PUS7L: variants seen among roughly 807,000 people sequenced by gnomAD.
The protein encoded by PUS7L is pseudouridine synthase 7 like, also known as pseudouridylate synthase PUS7L.
A neutral mutation model predicts 51.1 loss-of-function variants in PUS7L; 49 were observed. The observed-to-expected ratio is 0.96, with a 90% CI of 0.76 to 1.22. The LOEUF (loss-of-function observed/expected upper bound fraction) is 1.22. Ranked by LOEUF, PUS7L falls within the 50% of genes most tolerant of loss-of-function variation. The pLI, the probability that PUS7L is intolerant of heterozygous loss-of-function variation, is 0.00. For missense variants in PUS7L, 828 were observed against 820.6 expected (o/e 1.01, Z -0.11); for synonymous variants, 277 against 276.2 (o/e 1.00, Z -0.03).
At position 43,728,156 on chromosome 12, in the gene PUS7L, A is replaced by G. The variant is rs1252793407; in HGVS notation, c.*2220T>C. On this transcript the variant is annotated 3_prime_UTR_variant, in exon 9 of 9. Coordinates refer to ENST00000344862, the MANE Select transcript of PUS7L (RefSeq NM_031292.5). ...GACTAGTCATCAGTTGGTCCAAAGC[A>G]TACTATTAATAATAAAAGTCCTTAA... 1 of 152,184 alleles carries G rather than the reference A, an allele frequency of 6.6e-6. No homozygotes were observed. Among genetic ancestry groups the G allele is most frequent in the East Asian group, 1.9e-4 (1 of 5,200 alleles). The allele number at this position is 152,184 out of a possible 1,614,324, so 9.4% of individuals were successfully genotyped here.
chr12:43,748,754 T>C (rs1385147134), intron 2 of PUS7L, 145 bp from the exon 3 acceptor site: 2 of 703,382 alleles, frequency 2.8e-6, no homozygotes, highest in East Asian at 2.8e-5. Context: ...TGATGGAGTG[T>C]CACTCTGTCA....
chr12:43,723,414 T>C lies in PUS7L; in HGVS notation c.*6962A>G, dbSNP rs1455897406. On this transcript the variant is annotated 3_prime_UTR_variant, in exon 9 of 9. Transcript: ENST00000344862. ...TTTTAAGAGGAGATCTCAAGATGCT[T>C]AGAAATGCTAAATAAGTATCATTTA... 2 of 152,090 alleles carry C rather than the reference T, an allele frequency of 1.3e-5. No individual in the cohort carries two copies. The highest frequency in any genetic ancestry group is 1.9e-4 in the East Asian group (1 of 5,194). The allele number at this position is 152,090 out of a possible 1,614,324, so 9.4% of individuals were successfully genotyped here. A position where few individuals can be genotyped will look rare whatever the true frequency, so the allele number is the denominator to read the frequency against.
intron 2 of PUS7L, among the ~76,000 whole-genome samples, chr12:43,751,809 C>T (rs1469532233): frequency 2.6e-5 from 4 of 152,172 alleles, no homozygotes; most frequent in Non-Finnish European, 4.4e-5. Context: ...TTTACAGTCC[C>T]ACCAACAGTG....
chr12:43,730,790 T>C, intron 8 of PUS7L, 88 bp from the exon 9 acceptor site: 1 of 813,418 alleles, frequency 1.2e-6, no homozygotes, highest in Non-Finnish European at 1.9e-6. Flanking sequence ...GACTGCGACC[T>C]GGATTTGTAA....
rs1262090858 is a variant in PUS7L at position 43,729,368 on chromosome 12, CATT to C, written c.*1005_*1007del. 3 of 388,196 alleles carry C rather than the reference CATT, an allele frequency of 7.7e-6. No homozygotes were observed. The highest frequency in any genetic ancestry group is 1.4e-5 in the Non-Finnish European group (3 of 219,466). 24.0% of individuals were successfully genotyped at this position (388,196 alleles called of 1,614,324 possible). ...CTCCATACTGCTTTTTAAATTTCAT[CATT>C]ATATCTTACCAACAATGAAAGAAAT... On this transcript the variant is annotated 3_prime_UTR_variant, in exon 9 of 9. Coordinates refer to ENST00000344862, the MANE Select transcript of PUS7L (RefSeq NM_031292.5).
At chr12:43,738,562 G>T (rs1364768357) in intron 5 of PUS7L, among the ~76,000 whole-genome samples, 171 bp from the exon 6 acceptor site, 7 of 152,094 alleles carry the variant, frequency 4.6e-5, no homozygotes, top group Non-Finnish European at 1.0e-4. Flanking sequence ...GTTAAATGTA[G>T]AAATAAGCCT....
chr12:43,740,282 C>T (rs1475309621), intron 5 of PUS7L, among the ~76,000 whole-genome samples: 3 of 152,172 alleles, frequency 2.0e-5, no homozygotes, highest in Non-Finnish European at 4.4e-5. Context: ...CAATTTCCCA[C>T]TCAATTTTCT....
Position 43,754,589 on chromosome 12 carries a change from A to T in PUS7L, c.657T>A (p.Phe219Leu), listed in dbSNP as rs780243371. The T allele has an allele frequency of 3.5e-5, 57 of 1,610,296 alleles. No homozygotes were observed. In the East Asian group the frequency reaches 3.8e-4, roughly 11 times the overall value. The change falls in exon 2 of 9, where the codon TTT becomes TTA. Residue 219 changes from phenylalanine (F) to leucine (L), a missense_variant. Physicochemically the swap from Phe to Leu is conservative, Grantham distance 22. Coordinates refer to ENST00000344862, the MANE Select transcript of PUS7L (RefSeq NM_031292.5). ...LVSEEEAFDFFKYLDAKKENS... is the reference protein window; with the variant it reads ...LVSEEEAFDFLKYLDAKKENS... Reference sequence around the variant, plus strand: ...TTTCTTTCTTTGCATCCAAATATTTAAAAAAGTCAAATGCTTCCTCTTCAG... The same window carrying T: ...TTTCTTTCTTTGCATCCAAATATTTTAAAAAGTCAAATGCTTCCTCTTCAG...
intron 1 of PUS7L, among the ~76,000 whole-genome samples, chr12:43,756,048 C>T (rs1183875900): frequency 6.6e-6 from 1 of 152,158 alleles, no homozygotes; most frequent in African/African-American, 2.4e-5. Flanking sequence ...CTAGTGAGTT[C>T]TGTGTTTCCC....
chr12:43,738,661 ATT>A (rs535288315), intron 5 of PUS7L, among the ~76,000 whole-genome samples: 1 of 152,104 alleles, frequency 6.6e-6, no homozygotes, highest in Admixed American at 6.5e-5. Context: ...TACTTTTGTC[ATT>A]TTTTTTAAAT....
rs866399673 is a variant in PUS7L, at chr12:43,746,367, T to G, written c.1071-129A>C. On this transcript the variant is annotated intron_variant, in intron 3 of 8. Transcript: ENST00000344862. ...TACTAATACAATTTTTTAAGAATAT[T>G]CTAAAGTTAATGTTATTTCACCAAA... 1.5e-5 allele frequency: 8 copies of G among 516,512 alleles called. No individual in the cohort carries two copies. In the Middle Eastern group the frequency reaches 1.5e-3, roughly 96 times the overall value. The allele number at this position is 516,512 out of a possible 1,614,324, so 32.0% of individuals were successfully genotyped here. A position where few individuals can be genotyped will look rare whatever the true frequency, so the allele number is the denominator to read the frequency against.
intron 5 of PUS7L, chr12:43,740,710 GT>G (rs1937857348): frequency 2.0e-5 from 3 of 152,106 alleles, no homozygotes. Context: ...ACTTATCAGG[GT>G]TGGTCTCTGT....
At position 43,722,247 on chromosome 12, in the gene PUS7L, A is replaced by G. The variant is rs1458620366; in HGVS notation, c.*8129T>C. ...AAATGTGTTATGTTGAGGGGTTTGG[A>G]CTGTTACTGCATAGATACTGGAAAG... On this transcript the variant is annotated 3_prime_UTR_variant, in exon 9 of 9. Transcript: ENST00000344862. 6.6e-6 allele frequency: 1 copy of G among 152,108 alleles called. No individual in the cohort carries two copies. The highest frequency in any genetic ancestry group is 2.4e-5 in the African/African-American group (1 of 41,432). The allele number at this position is 152,108 out of a possible 1,614,324, so 9.4% of individuals were successfully genotyped here. A position where few individuals can be genotyped will look rare whatever the true frequency, so the allele number is the denominator to read the frequency against.
rs568660981 is a variant in PUS7L, at chr12:43,722,587, T to G, written c.*7789A>C. 1.1e-4 allele frequency: 16 copies of G among 152,240 alleles called. No homozygotes were observed. The South Asian group carries it at 3.3e-3, about 32-fold the overall frequency. The allele number at this position is 152,240 out of a possible 1,614,324, so 9.4% of individuals were successfully genotyped here. ...TGCGATATTTTATAGAAAAATAAAT[T>G]AGTTTCCTTTTGAAAATCATATGCA... On this transcript the variant is annotated 3_prime_UTR_variant, in exon 9 of 9. Coordinates refer to ENST00000344862, the MANE Select transcript of PUS7L (RefSeq NM_031292.5).
intron 2 of PUS7L, among the ~76,000 whole-genome samples, chr12:43,749,670 AAAGAAAAAAAGG>A (rs527643244): frequency 0.014 from 2,075 of 152,274 alleles, 44 homozygotes; most frequent in African/African-American, 0.047. Flanking sequence ...ACCCTGTCTC[AAAGAAAAAAAGG>A]TGGTACATAT....
At chr12:43,736,775 T>C in intron 6 of PUS7L, 114 bp from the exon 7 acceptor site, 1 of 872,174 alleles carries the variant, frequency 1.1e-6, no homozygotes, top group South Asian at 1.8e-5. Flanking sequence ...AAGATGATAT[T>C]CAACACTTTC....
Position 43,738,376 on chromosome 12 carries a change from AT to A in PUS7L, c.1377del (p.Lys459AsnfsTer13). 1 of 1,578,576 alleles carries A rather than the reference AT, an allele frequency of 6.3e-7. No individual in the cohort carries two copies. The highest frequency in any genetic ancestry group is 8.7e-7 in the Non-Finnish European group (1 of 1,149,594). ...LLKNEMMKAI[K>X]LFLTPEDLDD... ...TCCAAGTCTTCTGGTGTAAGAAACA[AT>A]TTTATGGCTTTCATCTTAAAAAATC... On this transcript the variant is annotated frameshift_variant, in exon 6 of 9. Transcript: ENST00000344862. LOFTEE classifies it high-confidence loss of function.
In PUS7L at chr12:43,736,611, T is replaced by TTTGAA. The variant is rs1465207108; in HGVS notation, c.1494_1495insTTCAA (p.Arg499PhefsTer14). 6.2e-7 allele frequency: 1 copy of TTTGAA among 1,614,162 alleles called. No individual in the cohort carries two copies. Among genetic ancestry groups the TTTGAA allele is most frequent in the African/African-American group, 1.3e-5 (1 of 75,044 alleles). ...CGGTGCAATGCCTCCAACAATGCTC[T>TTTGAA]CTCACGCACTTTGAATTCAGGCATC... On this transcript the variant is annotated frameshift_variant, in exon 7 of 9. Transcript: ENST00000344862. LOFTEE classifies it high-confidence loss of function.
In PUS7L at chr12:43,730,468, C is replaced by T. The variant is rs1179963131; in HGVS notation, c.2014G>A (p.Glu672Lys). ...GAGATCAAAAGAGACAAAGCTGTTT[C>T]ATCAATGTGGGAACCTTTCGTTTTG... ...DVKTKGSHID[E>K]TALSLLISFD... The change falls in exon 9 of 9, where the codon GAA (glutamate) becomes AAA (lysine). Residue 672 changes from glutamate (E) to lysine (K), a missense_variant. Glu to Lys is a moderately conservative substitution (Grantham distance 56, BLOSUM62 1). Transcript: ENST00000344862. The T allele has an allele frequency of 1.9e-6, 3 of 1,613,726 alleles. No homozygotes were observed. The highest frequency in any genetic ancestry group is 2.5e-6 in the Non-Finnish European group (3 of 1,179,824).
Sources: gnomAD v4.1 joint callset for allele counts (sites outside exome capture counted in the v4.1 genomes callset) on GRCh38, gnomAD v4.1.1 for gene constraint, MANE v1.5 for transcripts, NCBI Gene and HGNC (gene_info 2026-07-23, HGNC 2026-07-21) for gene names.